The following USP48 variants were observed in gnomAD, a reference collection of about 807,000 sequenced individuals.
USP48 encodes the protein ubiquitin specific peptidase 48, also known as ubiquitin carboxyl-terminal hydrolase 48.
In USP48, 43 loss-of-function variants were observed where a neutral mutation model predicts 150.7. The observed-to-expected ratio is 0.29, with a 90% CI of 0.22 to 0.37. The LOEUF (loss-of-function observed/expected upper bound fraction) is 0.37, where lower values mean the gene tolerates loss of function less well. USP48 is among the 10% of genes least tolerant of loss of function. The pLI, the probability that USP48 is intolerant of heterozygous loss-of-function variation, is 1.00. For missense variants in USP48, 813 were observed against 1,249.6 expected, an observed-to-expected ratio of 0.65 and a Z score of 5.27; for synonymous variants, 396 against 425.9, an observed-to-expected ratio of 0.93 and a Z score of 0.86.
chr1:21,776,071 C>T (rs2097897578), intron 1 of USP48, among the ~76,000 whole-genome samples: 2 of 152,188 alleles, frequency 1.3e-5, no homozygotes, highest in South Asian at 4.2e-4. Context: ...TAAAGAGAAA[C>T]CCTCATTCTG....
chr1:21,727,813 G>GA, intron 11 of USP48: 1 of 938,682 alleles, frequency 1.1e-6, no homozygotes, highest in Non-Finnish European at 1.3e-6. Flanking sequence ...ACTAGTAATG[G>GA]AAAATTAAGA....
At chr1:21,681,091 T>C in intron 25 of USP48, 1 of 356,968 alleles carries the variant, frequency 2.8e-6, no homozygotes. Context: ...GCACACCTAG[T>C]GCACGACTCT....
chr1:21,679,535 T>C (rs2097559674), intron 26 of USP48, 96 bp from the exon 27 acceptor site: 3 of 1,470,182 alleles, frequency 2.0e-6, no homozygotes, highest in African/African-American at 2.8e-5. Context: ...ACAGGGAGCA[T>C]CAAATTTAAT....
intron 1 of USP48, among the ~76,000 whole-genome samples, chr1:21,780,738 A>ATTTT (rs34071636): frequency 0.018 from 2,081 of 117,382 alleles, 63 homozygotes; most frequent in Non-Finnish European, 0.028. Context: ...AGATAAGATA[A>ATTTT]TTTTTTTTTT....
At chr1:21,703,146 A>G (rs1163860329) in intron 21 of USP48, among the ~76,000 whole-genome samples, 1 of 152,196 alleles carries the variant, frequency 6.6e-6, no homozygotes, top group East Asian at 1.9e-4. Context: ...CTTCAAAACA[A>G]TCATTTCTGT....
rs1225851446 is a variant in USP48 at position 21,719,240 on chromosome 1, C to T, written c.1894+1796G>A. Among the ~76,000 whole-genome samples the T allele has an allele frequency of 2.0e-5, 3 of 150,454 alleles. No individual in the cohort carries two copies. The East Asian group carries it at 5.9e-4, about 29-fold the overall frequency. On this transcript the variant is annotated intron_variant, in intron 14 of 26. Transcript: ENST00000308271. ...GAGGTTGCAGTGAGCCAAGATCATGCCACTGCACTCCAGCCTGGGGGACAG... is the reference window on the plus strand; with the variant it reads ...GAGGTTGCAGTGAGCCAAGATCATGTCACTGCACTCCAGCCTGGGGGACAG...
chr1:21,758,230 A>G (rs913580025), intron 1 of USP48, among the ~76,000 whole-genome samples: 12 of 149,054 alleles, frequency 8.1e-5, no homozygotes, highest in Admixed American at 6.8e-5. Context: ...ACACAGCATG[A>G]AAAAGATATC....
At chr1:21,744,300 G>T (rs1240204465) in intron 8 of USP48, among the ~76,000 whole-genome samples, 1 of 151,784 alleles carries the variant, frequency 6.6e-6, no homozygotes, top group Non-Finnish European at 1.5e-5. Context: ...ACAAAAATTA[G>T]CCAGGTACGA....
intron 21 of USP48, among the ~76,000 whole-genome samples, chr1:21,702,134 A>G (rs918858453): frequency 2.0e-5 from 3 of 152,218 alleles, no homozygotes; most frequent in Non-Finnish European, 4.4e-5. Flanking sequence ...AGAAAATTTT[A>G]CAGGGAGAAA....
chr1:21,724,197 T>A lies in USP48; in HGVS notation c.1451-102A>T, dbSNP rs767350833. On this transcript the variant is annotated intron_variant, in intron 11 of 26. Transcript: ENST00000308271. ...AAGACAATGCAAACTCTGTCCAGAG[T>A]TAGCAGAATCAGAAGAATCATTGTC... The A allele has an allele frequency of 5.9e-6, 7 of 1,177,042 alleles. No individual in the cohort carries two copies. The South Asian group carries it at 9.2e-5, about 15-fold the overall frequency. 72.9% of individuals were successfully genotyped at this position (1,177,042 alleles called of 1,614,324 possible).
At chr1:21,728,748 C>T in intron 10 of USP48, 29 bp from the exon 11 acceptor site, 1 of 1,610,708 alleles carries the variant, frequency 6.2e-7, no homozygotes, top group Middle Eastern at 1.7e-4. Flanking sequence ...CAAAAAACAA[C>T]TTTATTCTTG....
Position 21,752,669 on chromosome 1 carries a change from TGAAAA to T in USP48, c.541-23_541-19del, listed in dbSNP as rs773670683. ...TGAGCATCCTACAAGTTTAGGTTAA[TGAAAA>T]GAAAAATCATATCTTGCTTTTCAAC... On this transcript the variant is annotated intron_variant, in intron 4 of 26. Coordinates refer to ENST00000308271, the MANE Select transcript of USP48 (RefSeq NM_032236.8). 1 of 1,575,076 alleles carries T rather than the reference TGAAAA, an allele frequency of 6.3e-7. No individual in the cohort carries two copies. The highest frequency in any genetic ancestry group is 1.2e-5 in the South Asian group (1 of 85,168).
Position 21,778,036 on chromosome 1 carries a change from G to A in USP48, c.134+4788C>T, listed in dbSNP as rs185459374. The stretch of plus-strand genomic sequence containing the variant: ...TGTGCGCCTGTAGTCCCAGCTACTC[G>A]GGAGGCTGAGGCAGGAGAATCGCTT... On this transcript the variant is annotated intron_variant, in intron 1 of 26. Transcript: ENST00000308271. Among the ~76,000 whole-genome samples the A allele has an allele frequency of 4.8e-3, 727 of 151,030 alleles. 5 individuals are homozygous for A. The highest frequency in any genetic ancestry group is 0.016 in the African/African-American group (659 of 41,166).
At chr1:21,689,948 C>CT in intron 24 of USP48, 26 bp downstream of exon 24, 1 of 1,610,902 alleles carries the variant, frequency 6.2e-7, no homozygotes, top group Non-Finnish European at 8.5e-7. Flanking sequence ...ACCTTGAGTT[C>CT]TTCAGCTAAG....
intron 1 of USP48, among the ~76,000 whole-genome samples, chr1:21,762,542 A>G (rs1174013247): frequency 6.6e-6 from 1 of 151,868 alleles, no homozygotes; most frequent in Non-Finnish European, 1.5e-5. Context: ...TTGTTTGTTC[A>G]CTCCCTCCTC....
intron 21 of USP48, among the ~76,000 whole-genome samples, chr1:21,702,178 C>T (rs1557448635): frequency 6.6e-6 from 1 of 152,064 alleles, no homozygotes; most frequent in South Asian, 2.1e-4. Context: ...TTCATTTTCT[C>T]GGCAAATTAG....
At chr1:21,712,162 C>A (rs1430635874) in intron 15 of USP48, among the ~76,000 whole-genome samples, 1 of 152,176 alleles carries the variant, frequency 6.6e-6, no homozygotes, top group Non-Finnish European at 1.5e-5. Context: ...AGTTCGAGAC[C>A]AGTCTGGCCA....
chr1:21,697,512 A>C (rs938765366), intron 22 of USP48, among the ~76,000 whole-genome samples: 1 of 151,832 alleles, frequency 6.6e-6, no homozygotes, highest in Non-Finnish European at 1.5e-5. Flanking sequence ...AAATACAAAA[A>C]ATTAGCCGGG....
chr1:21,770,440 G>C lies in USP48; in HGVS notation c.134+12384C>G, dbSNP rs577738215. Among the ~76,000 whole-genome samples the C allele has an allele frequency of 8.9e-4, 134 of 150,840 alleles. 3 individuals carry two copies. The South Asian group carries it at 0.028, about 31-fold the overall frequency. ...GTTTTGATCTTGGTGGTAGATATGG[G>C]ACAGATAAATTTCTTTTGTGATAAT... is the stretch of plus-strand genomic sequence containing the variant. On this transcript the variant is annotated intron_variant, in intron 1 of 26. Coordinates refer to ENST00000308271, the MANE Select transcript of USP48 (RefSeq NM_032236.8).
Sources: gnomAD v4.1 joint callset for allele counts (sites outside exome capture counted in the v4.1 genomes callset) on GRCh38, gnomAD v4.1.1 for gene constraint, MANE v1.5 for transcripts, NCBI Gene and HGNC (gene_info 2026-07-23, HGNC 2026-07-21) for gene names.